CPNE2: variants seen among roughly 807,000 people sequenced by gnomAD.
The protein encoded by CPNE2 is copine-2.
CPNE2 carries 42 observed loss-of-function variants against 69.7 expected under a neutral mutation model. The observed-to-expected ratio is 0.60, with a 90% confidence interval of 0.47 to 0.78. The LOEUF is 0.78. CPNE2 is among the 30% of genes least tolerant of loss of function. CPNE2 has a pLI of 0.00. For missense variants in CPNE2, 587 were observed against 732.0 expected (o/e 0.80, Z 2.29); for synonymous variants, 294 against 289.8 (o/e 1.01, Z -0.15).
rs1358314071 is a variant in CPNE2 at position 57,146,297 on chromosome 16, C to T, written c.1515C>T (p.Phe505=). 1.0e-5 allele frequency: 16 copies of T among 1,553,472 alleles called. No individual in the cohort carries two copies. The highest frequency in any genetic ancestry group is 5.5e-5 in the African/African-American group (4 of 73,206). The change falls in exon 15 of 16, where the codon TTC becomes TTT. Residue 505 remains phenylalanine (F), a synonymous_variant. Transcript: ENST00000290776. This position sits in a 1 kb window ranked among gnomAD's most constrained non-coding sequence, Gnocchi z 4.4. ...GEEAARDIVQ[F]VPFREFRNAA... ...AGGCAGCCCGCGATATTGTGCAGTT[C>T]GTTCCCTTTCGAGAGTTCCGCAACG...
chr16:57,125,340 C>A lies in CPNE2; in HGVS notation c.928-520C>A, dbSNP rs1356829843. 4 of 455,974 alleles carry A rather than the reference C, an allele frequency of 8.8e-6. No individual in the cohort carries two copies. In the East Asian group the frequency reaches 2.8e-4, roughly 32 times the overall value. The allele number at this position is 455,974 out of a possible 1,614,324, so 28.2% of individuals were successfully genotyped here. On this transcript the variant is annotated intron_variant, in intron 10 of 15. Transcript: ENST00000290776. ...GCTCCCAGCTGATCGGGGAGACGGG[C>A]ACTGCTCTACCAGGCAACCCCAGGT...
chr16:57,118,593 G>A (rs1271472809), intron 5 of CPNE2, among the ~76,000 whole-genome samples: 2 of 151,944 alleles, frequency 1.3e-5, no homozygotes, highest in African/African-American at 2.4e-5. Context: ...GAAGCAGGAG[G>A]ATCACTTGAG....
At chr16:57,094,638 T>C (rs1289694558) in intron 1 of CPNE2, among the ~76,000 whole-genome samples, 1 of 152,178 alleles carries the variant, frequency 6.6e-6, no homozygotes, top group African/African-American at 2.4e-5. Context: ...CAGCACTTAT[T>C]GGTACGTGGT....
Position 57,092,698 on chromosome 16 carries a change from C to A in CPNE2, c.-128C>A, listed in dbSNP as rs1378439287. Reference sequence around the variant, plus strand: ...CCTGTCCCGCGCCCGCGGGCCCGGCCGAGCAGGAGCAGCTCCCGGGGATGC... The same window carrying A: ...CCTGTCCCGCGCCCGCGGGCCCGGCAGAGCAGGAGCAGCTCCCGGGGATGC... On this transcript the variant is annotated 5_prime_UTR_variant, in exon 1 of 16. Transcript: ENST00000290776. The surrounding 1 kb of genome is among the most constrained non-coding windows in gnomAD (Gnocchi z 5.3). 2.0e-5 allele frequency: 3 copies of A among 149,738 alleles called. No homozygotes were observed. The highest frequency in any genetic ancestry group is 1.8e-4 in the South Asian group (1 of 5,414). The allele number at this position is 149,738 out of a possible 1,614,324, so 9.3% of individuals were successfully genotyped here. A position where few individuals can be genotyped will look rare whatever the true frequency, so the allele number is the denominator to read the frequency against.
intron 7 of CPNE2, among the ~76,000 whole-genome samples, chr16:57,120,392 G>A (rs1009850661): frequency 2.9e-4 from 44 of 151,396 alleles, no homozygotes; most frequent in African/African-American, 1.1e-3. Flanking sequence ...GGCCTCTCAC[G>A]TGAGGCCTCT....
At chr16:57,096,039 C>T (rs909865400) in intron 1 of CPNE2, among the ~76,000 whole-genome samples, 2 of 152,244 alleles carry the variant, frequency 1.3e-5, no homozygotes, top group Non-Finnish European at 2.9e-5. Flanking sequence ...GTGCCTGGCA[C>T]ATTGTAGGTG....
intron 14 of CPNE2, chr16:57,144,916 CGACGGAGCGA>C (rs2069946361): frequency 6.6e-6 from 1 of 151,692 alleles, no homozygotes; most frequent in Non-Finnish European, 1.5e-5. Context: ...CCAGTGTGGG[CGACGGAGCGA>C]GACTCAGTCT....
At chr16:57,111,630 G>A (rs1171295414) in intron 2 of CPNE2, among the ~76,000 whole-genome samples, 1 of 152,230 alleles carries the variant, frequency 6.6e-6, no homozygotes, top group East Asian at 1.9e-4. Context: ...GCCCAGTGAT[G>A]CTACTCCCTG....
At chr16:57,144,152 G>A (rs2069940966) in intron 14 of CPNE2, 1 of 152,382 alleles carries the variant, frequency 6.6e-6, no homozygotes, top group Non-Finnish European at 1.5e-5. Flanking sequence ...AGCCAGGGAT[G>A]GGGGGCTGGC....
chr16:57,124,998 G>A (rs1163154665), intron 10 of CPNE2: 1 of 296,604 alleles, frequency 3.4e-6, no homozygotes, highest in African/African-American at 2.2e-5. Flanking sequence ...CCCTGACCTG[G>A]GGGAGTGACC....
In CPNE2 at chr16:57,127,921, T is replaced by C; in HGVS notation, c.1116+18T>C. On this transcript the variant is annotated intron_variant, in intron 12 of 15. Transcript: ENST00000290776. ...ACTGGAAGGTGAGTGAAACCGGAGT[T>C]AGTTTCCTTTTGGTTGAGATGGGGT... 6.2e-7 allele frequency: 1 copy of C among 1,613,902 alleles called. No homozygotes were observed. The highest frequency in any genetic ancestry group is 8.5e-7 in the Non-Finnish European group (1 of 1,179,822).
At position 57,113,289 on chromosome 16, in the gene CPNE2, A is replaced by G; in HGVS notation, c.182A>G (p.Tyr61Cys). 3 of 1,613,322 alleles carry G rather than the reference A, an allele frequency of 1.9e-6. No individual in the cohort carries two copies. The highest frequency in any genetic ancestry group is 2.5e-6 in the Non-Finnish European group (3 of 1,179,480). ...FTENNGRWIE[Y>C]DRTETAINNL... ...TCCATTTTCCTGCCCCTCTGCTAGTACGACAGGACAGAAACCGCGATCAAC... is the reference window on the plus strand; with the variant it reads ...TCCATTTTCCTGCCCCTCTGCTAGTGCGACAGGACAGAAACCGCGATCAAC... The change falls in exon 3 of 16, where the codon TAC (tyrosine) becomes TGC (cysteine). Residue 61 changes from tyrosine to cysteine, a missense_variant and splice_region_variant. Around this residue, in one of 5 missense-constraint regions of CPNE2, gnomAD observed 96 missense variants for 94.9 expected, o/e 1.01. Coordinates refer to ENST00000290776, the MANE Select transcript of CPNE2 (RefSeq NM_152727.6).
chr16:57,124,678 CAGA>C, intron 10 of CPNE2: 1 of 262,354 alleles, frequency 3.8e-6, no homozygotes, highest in Non-Finnish European at 7.8e-6. Context: ...GCCTCAGGCC[CAGA>C]AGGGAGGAAG....
rs146764466 is a variant in CPNE2 at position 57,122,807 on chromosome 16, G to A, written c.868-607G>A. On this transcript the variant is annotated intron_variant, in intron 9 of 15. Coordinates refer to ENST00000290776, the MANE Select transcript of CPNE2 (RefSeq NM_152727.6). ...GGGGTTTCATTATGTCGACCAGGCT[G>A]GTCTTGAACTCCTGACCTCAAGTGA... 7.8e-3 allele frequency among the ~76,000 whole-genome samples: 1,185 copies of A among 151,942 alleles called. 13 individuals are homozygous for A. The highest frequency in any genetic ancestry group is 0.028 in the African/African-American group (1,140 of 41,454).
chr16:57,111,873 A>G (rs1320604740), intron 2 of CPNE2, among the ~76,000 whole-genome samples: 1 of 152,218 alleles, frequency 6.6e-6, no homozygotes, highest in Admixed American at 6.5e-5. Flanking sequence ...CAGGTTTTAA[A>G]ACTTGCTTTG....
chr16:57,122,433 A>G (rs1412758957), intron 9 of CPNE2, among the ~76,000 whole-genome samples: 2 of 152,222 alleles, frequency 1.3e-5, no homozygotes, highest in Non-Finnish European at 2.9e-5. Flanking sequence ...CAGTGGTGTC[A>G]CGACAAAAAA....
chr16:57,134,204 A>G (rs2069859772), intron 12 of CPNE2, among the ~76,000 whole-genome samples: 1 of 152,098 alleles, frequency 6.6e-6, no homozygotes, highest in South Asian at 2.1e-4. Context: ...ATGAGTCCCT[A>G]GGGAGCCTAT....
chr16:57,096,042 T>C (rs559471847), intron 1 of CPNE2, among the ~76,000 whole-genome samples: 1 of 152,366 alleles, frequency 6.6e-6, no homozygotes, highest in East Asian at 1.9e-4. Context: ...CCTGGCACAT[T>C]GTAGGTGCTC....
At chr16:57,140,868 ATT>A (rs55901819) in intron 14 of CPNE2, 67,373 of 85,946 alleles carry the variant, frequency 0.78, 26,646 homozygotes, top group Non-Finnish European at 0.81. Flanking sequence ...CCCGGCCGGG[ATT>A]TTTTTTTTTT....
Sources: allele counts gnomAD v4.1 joint callset (sites outside exome capture counted in the v4.1 genomes callset), GRCh38; gene constraint gnomAD v4.1.1; regional missense constraint gnomAD v4.1.1; non-coding constraint Gnocchi (gnomAD v3.1); transcripts MANE v1.5; gene names NCBI Gene and HGNC (gene_info 2026-07-23, HGNC 2026-07-21).